SERINC1: variants seen among roughly 807,000 people sequenced by gnomAD.
The protein encoded by SERINC1 is serine incorporator 1.
In SERINC1, 38 loss-of-function variants were observed where a neutral mutation model predicts 52.9. The ratio of observed to expected loss-of-function variants is 0.72; its 90% CI spans 0.55 to 0.94. SERINC1 has a LOEUF of 0.94. SERINC1 is among the 40% of genes least tolerant of loss of function. The pLI is 0.00. For missense variants in SERINC1, 471 were observed against 533.9 expected (o/e 0.88, Z 1.16); for synonymous variants, 198 against 183.1 (o/e 1.08, Z -0.66).
At chr6:122,462,904 C>T (rs1442885589) in intron 1 of SERINC1, among the ~76,000 whole-genome samples, 1 of 152,110 alleles carries the variant, frequency 6.6e-6, no homozygotes, top group Non-Finnish European at 1.5e-5. Flanking sequence ...CAGGTCTTTC[C>T]AAACTTATCT....
intron 1 of SERINC1, among the ~76,000 whole-genome samples, chr6:122,459,971 G>T (rs1775072987): frequency 6.6e-6 from 1 of 152,066 alleles, no homozygotes; most frequent in Non-Finnish European, 1.5e-5. Flanking sequence ...CTTAAACAAT[G>T]GAAAAAATAA....
At chr6:122,462,336 T>C (rs1213776316) in intron 1 of SERINC1, among the ~76,000 whole-genome samples, 1 of 152,174 alleles carries the variant, frequency 6.6e-6, no homozygotes, top group East Asian at 1.9e-4. Flanking sequence ...CTCTCACCAT[T>C]TGAATTCAAC....
At chr6:122,448,696 G>A (rs961435059) in intron 7 of SERINC1, among the ~76,000 whole-genome samples, 2 of 151,414 alleles carry the variant, frequency 1.3e-5, no homozygotes, top group South Asian at 2.1e-4. Flanking sequence ...TTCTATATAC[G>A]ACAATTATAT....
At chr6:122,459,044 C>T (rs946391930) in intron 1 of SERINC1, among the ~76,000 whole-genome samples, 4 of 151,202 alleles carry the variant, frequency 2.6e-5, no homozygotes, top group Non-Finnish European at 4.4e-5. Context: ...TGACCTTTAG[C>T]CCCCAGATAC....
chr6:122,464,888 C>T (rs1775160952), intron 1 of SERINC1, among the ~76,000 whole-genome samples: 1 of 152,024 alleles, frequency 6.6e-6, no homozygotes, highest in South Asian at 2.1e-4. Context: ...TGCCCCCAGT[C>T]AATGTTTCTA....
At chr6:122,451,833 T>C in intron 6 of SERINC1, 55 bp downstream of exon 6, 3 of 1,201,162 alleles carry the variant, frequency 2.5e-6, no homozygotes, top group Non-Finnish European at 2.2e-6. Flanking sequence ...TTCTAGATTT[T>C]TGAAAACTTA....
At chr6:122,466,512 TTTTTTTGTA>T (rs1168879155) in intron 1 of SERINC1, among the ~76,000 whole-genome samples, 8 of 152,084 alleles carry the variant, frequency 5.3e-5, no homozygotes, top group Non-Finnish European at 8.8e-5. Flanking sequence ...GCCTGGCTAA[TTTTTTTGTA>T]TTTTTTGTAT....
chr6:122,463,563 T>C (rs938075391), intron 1 of SERINC1, among the ~76,000 whole-genome samples: 5 of 152,206 alleles, frequency 3.3e-5, no homozygotes, highest in African/African-American at 1.2e-4. Flanking sequence ...GATACTTTAA[T>C]AAAAGGCATA....
chr6:122,464,935 A>G (rs1775161795), intron 1 of SERINC1, among the ~76,000 whole-genome samples: 1 of 152,198 alleles, frequency 6.6e-6, no homozygotes, highest in Non-Finnish European at 1.5e-5. Context: ...ATAATAGTAC[A>G]AAGTGCTTCT....
chr6:122,470,546 A>G (rs1363925370), intron 1 of SERINC1, among the ~76,000 whole-genome samples: 3 of 152,224 alleles, frequency 2.0e-5, no homozygotes, highest in Non-Finnish European at 4.4e-5. Context: ...TATAAAAGTC[A>G]ATAATTAAAC....
intron 1 of SERINC1, among the ~76,000 whole-genome samples, chr6:122,460,699 T>C (rs1224266600): frequency 1.3e-5 from 2 of 152,096 alleles, no homozygotes; most frequent in Non-Finnish European, 2.9e-5. Context: ...AACAAAAAAT[T>C]AGCAGGCATG....
At chr6:122,458,836 T>A (rs1442851520) in intron 1 of SERINC1, among the ~76,000 whole-genome samples, 155 bp from the exon 2 acceptor site, 1 of 152,100 alleles carries the variant, frequency 6.6e-6, no homozygotes, top group African/African-American at 2.4e-5. Context: ...TTCATATAAA[T>A]TATCTATATA....
At chr6:122,456,457 A>T (rs1774996536) in intron 3 of SERINC1, 24 bp downstream of exon 3, 1 of 1,451,702 alleles carries the variant, frequency 6.9e-7, no homozygotes, top group African/African-American at 1.4e-5. Context: ...AAGCTTTTAT[A>T]TTGAAGCTTA....
chr6:122,454,204 G>T lies in SERINC1; in HGVS notation c.398C>A (p.Ala133Glu), dbSNP rs139109570. The change falls in exon 4 of 10, where the codon GCA (alanine) becomes GAA (glutamate). Residue 133 changes from alanine (A) to glutamate (E), a missense_variant. Transcript: ENST00000339697. Reference protein sequence around the residue: ...NGFWFFKFAAAIAIIIGAFFI... With the variant: ...NGFWFFKFAAEIAIIIGAFFI... ...GAATGCCCCAATAATAATTGCAATT[G>T]CTGCAGCAAATTTAAAGAACCAAAA... 7.6e-6 allele frequency: 12 copies of T among 1,583,968 alleles called. No individual in the cohort carries two copies. The highest frequency in any genetic ancestry group is 1.8e-5 in the Admixed American group (1 of 56,452).
At chr6:122,452,642 T>C (rs553782997) in intron 5 of SERINC1, among the ~76,000 whole-genome samples, 2 of 152,314 alleles carry the variant, frequency 1.3e-5, no homozygotes, top group East Asian at 3.9e-4. Context: ...GTGCCTAATA[T>C]ACAAGTATTT....
At chr6:122,448,086 G>A (rs980456873) in intron 7 of SERINC1, among the ~76,000 whole-genome samples, 5 of 147,164 alleles carry the variant, frequency 3.4e-5, no homozygotes, top group Admixed American at 1.4e-4. Context: ...CCAGCCTAAC[G>A]ACAGAGCGAG....
intron 1 of SERINC1, among the ~76,000 whole-genome samples, chr6:122,460,657 G>A (rs1288348391): frequency 1.3e-5 from 2 of 152,100 alleles, no homozygotes; most frequent in Non-Finnish European, 2.9e-5. Context: ...TATATCCAGC[G>A]CTGATCAAGG....
intron 7 of SERINC1, among the ~76,000 whole-genome samples, chr6:122,451,143 T>C (rs192640839): frequency 2.6e-4 from 40 of 152,302 alleles, no homozygotes; most frequent in Non-Finnish European, 1.9e-4. Context: ...GGTCTTAGTT[T>C]AAAGATACTA....
intron 3 of SERINC1, chr6:122,454,623 A>C (rs1279510867): frequency 1.1e-5 from 2 of 180,488 alleles, no homozygotes; most frequent in African/African-American, 4.8e-5. Flanking sequence ...ATGATAAGAC[A>C]TTTTGGGGAC....
Sources: gnomAD v4.1 joint callset for allele counts (sites outside exome capture counted in the v4.1 genomes callset) on GRCh38, gnomAD v4.1.1 for gene constraint, MANE v1.5 for transcripts, NCBI Gene and HGNC (gene_info 2026-07-23, HGNC 2026-07-21) for gene names.